PLCD3: variants seen among roughly 807,000 people sequenced by gnomAD.
PLCD3 encodes the protein 1-phosphatidylinositol 4,5-bisphosphate phosphodiesterase delta-3.
Under a neutral mutation model 82.8 loss-of-function variants are expected in PLCD3, and 62 were observed. The observed-to-expected ratio is 0.75, with a 90% CI of 0.61 to 0.93. PLCD3 has a LOEUF of 0.93. Ranked by LOEUF, PLCD3 falls within the 40% of genes least tolerant of loss-of-function variation. The pLI, the probability that PLCD3 is intolerant of heterozygous loss-of-function variation, is 0.00. For synonymous variants in PLCD3, 478 were observed against 471.8 expected (o/e 1.01, Z -0.17); for missense variants, 1,023 against 1,103.4 (o/e 0.93, Z 1.03).
chr17:45,122,482 G>C (rs2054349199), intron 1 of PLCD3, among the ~76,000 whole-genome samples: 2 of 152,142 alleles, frequency 1.3e-5, no homozygotes, highest in Admixed American at 1.3e-4. Flanking sequence ...CTGGAGGTCG[G>C]GGTCCAGCGC....
chr17:45,120,755 T>G lies in PLCD3; in HGVS notation c.554+147A>C. The G allele has an allele frequency of 2.8e-6, 3 of 1,080,192 alleles. No individual in the cohort carries two copies. The South Asian group carries it at 5.4e-5, about 19-fold the overall frequency. 66.9% of individuals were successfully genotyped at this position (1,080,192 alleles called of 1,614,324 possible). On this transcript the variant is annotated intron_variant, in intron 3 of 14. Coordinates refer to ENST00000619929, the MANE Select transcript of PLCD3 (RefSeq NM_133373.5). Reference sequence around the variant, plus strand: ...CAGGGCGCGTGTCCCCACCCTCAGTTTCGAAGACCAAGGGCTCCGACCCAG... The same window carrying G: ...CAGGGCGCGTGTCCCCACCCTCAGTGTCGAAGACCAAGGGCTCCGACCCAG...
chr17:45,115,571 C>A, intron 8 of PLCD3, 81 bp from the exon 9 acceptor site: 4 of 1,301,362 alleles, frequency 3.1e-6, no homozygotes, highest in Non-Finnish European at 4.3e-6. Flanking sequence ...TCAACCACCG[C>A]CTTGTGAGGG....
In PLCD3 at chr17:45,118,371, GT is replaced by G. The variant is rs776380539; in HGVS notation, c.1034del (p.His345ProfsTer12). ...VFQDMNQPLA[H>X]YFISSSHNTY... ...TGTTGTGGGAGGAAGAGATGAAGTAGTGGGCAAGGGGCTGGTTCATGTCCTG... is the reference window on the plus strand; with the variant it reads ...TGTTGTGGGAGGAAGAGATGAAGTAGGGGCAAGGGGCTGGTTCATGTCCTG... On this transcript the variant is annotated frameshift_variant, in exon 6 of 15. Transcript: ENST00000619929. LOFTEE classifies it high-confidence loss of function. The surrounding 1 kb of genome is among the most constrained non-coding windows in gnomAD (Gnocchi z 4.1). 6.2e-7 allele frequency: 1 copy of G among 1,614,048 alleles called. No homozygotes were observed. The highest frequency in any genetic ancestry group is 1.7e-5 in the Admixed American group (1 of 60,032).
In PLCD3 at chr17:45,114,310, G is replaced by A; in HGVS notation, c.1768C>T (p.Leu590=). The change falls in exon 11 of 15, where the codon CTG becomes TTG. Residue 590 remains leucine (L), a synonymous_variant. Coordinates refer to ENST00000619929, the MANE Select transcript of PLCD3 (RefSeq NM_133373.5). ...RQLTRVYPLG[L]RMNSANYSPQ... is the part of the protein sequence containing the mutation. ...CTGTAGTTGGCTGAGTTCATCCGCA[G>A]CCCCAGCGGGTACACGCGGGTCAGC... 6.5e-7 allele frequency: 1 copy of A among 1,549,496 alleles called. No homozygotes were observed. Among genetic ancestry groups the A allele is most frequent in the Admixed American group, 2.0e-5 (1 of 50,516 alleles).
Position 45,111,384 on chromosome 17 carries a change from G to A in PLCD3, c.*1232C>T, listed in dbSNP as rs2143540508. 6.6e-6 allele frequency: 1 copy of A among 152,564 alleles called. No homozygotes were observed. Among genetic ancestry groups the A allele is most frequent in the South Asian group, 2.1e-4 (1 of 4,830 alleles). The allele number at this position is 152,564 out of a possible 1,614,324, so 9.5% of individuals were successfully genotyped here. ...TCTGTGTATGTGTGAGTGTGTGTGT[G>A]TGTGTGTGTGTGTGTGTGTTGTGGG... On this transcript the variant is annotated 3_prime_UTR_variant, in exon 15 of 15. Transcript: ENST00000619929.
Position 45,118,866 on chromosome 17 carries a change from T to G in PLCD3, c.862A>C (p.Thr288Pro). 1 of 1,612,040 alleles carries G rather than the reference T, an allele frequency of 6.2e-7. No individual in the cohort carries two copies. Among genetic ancestry groups the G allele is most frequent in the East Asian group, 2.2e-5 (1 of 44,878 alleles). Reference protein sequence around the residue: ...FLEDQGEEGATLARAQQLIQT... With the variant: ...FLEDQGEEGAPLARAQQLIQT... ...ATGAGCTGCTGGGCGCGGGCCAGTGTGGCGCCCTCCTCGCCCTGGTCCTCC... is the reference window on the plus strand; with the variant it reads ...ATGAGCTGCTGGGCGCGGGCCAGTGGGGCGCCCTCCTCGCCCTGGTCCTCC... The change falls in exon 5 of 15, where the codon ACA becomes CCA. Residue 288 changes from threonine (T) to proline (P), a missense_variant. Around this residue, in one of 3 missense-constraint regions of PLCD3, gnomAD observed 448 missense variants for 406.3 expected, o/e 1.10. Transcript: ENST00000619929. This position sits in a 1 kb window ranked among gnomAD's most constrained non-coding sequence, Gnocchi z 4.1.
chr17:45,112,524 G>T lies in PLCD3; in HGVS notation c.*92C>A. 1 of 1,359,168 alleles carries T rather than the reference G, an allele frequency of 7.4e-7. No homozygotes were observed. The highest frequency in any genetic ancestry group is 1.0e-6 in the Non-Finnish European group (1 of 978,266). 84.2% of individuals were successfully genotyped at this position (1,359,168 alleles called of 1,614,324 possible). ...GCCAAGTGGGTGGGCTGGGGGGCTG[G>T]TACTCCCACCACCTGACTCCAGAGG... On this transcript the variant is annotated 3_prime_UTR_variant, in exon 15 of 15. Coordinates refer to ENST00000619929, the MANE Select transcript of PLCD3 (RefSeq NM_133373.5).
At chr17:45,119,217 T>G in intron 4 of PLCD3, 174 bp from the exon 5 acceptor site, 1 of 615,076 alleles carries the variant, frequency 1.6e-6, no homozygotes, top group African/African-American at 1.8e-5. Context: ...CAGGGCAGGA[T>G]TTTTTGGTTT....
At chr17:45,125,140 A>G (rs1378769011) in intron 1 of PLCD3, among the ~76,000 whole-genome samples, 4 of 151,572 alleles carry the variant, frequency 2.6e-5, no homozygotes, top group African/African-American at 9.7e-5. Flanking sequence ...CAGCCTGACC[A>G]ACATGGTGAA....
At position 45,116,743 on chromosome 17, in the gene PLCD3, G is replaced by A. The variant is rs369060547; in HGVS notation, c.1302C>T (p.Cys434=). The A allele has an allele frequency of 9.4e-5, 151 of 1,609,102 alleles. 1 individual carries two copies. The Middle Eastern group carries it at 1.8e-3, about 19-fold the overall frequency. ...YPVILSLENH[C]GLEQQAAMAR... ...CCATGGCAGCCTGCTGCTCCAGCCCGCAGTGGTTCTCCAGGGATAGGATGA... is the reference window on the plus strand; with the variant it reads ...CCATGGCAGCCTGCTGCTCCAGCCCACAGTGGTTCTCCAGGGATAGGATGA... The change falls in exon 8 of 15, where the codon TGC becomes TGT. Residue 434 remains cysteine, a synonymous_variant. Coordinates refer to ENST00000619929, the MANE Select transcript of PLCD3 (RefSeq NM_133373.5).
chr17:45,123,010 A>C, intron 1 of PLCD3, among the ~76,000 whole-genome samples: 1 of 152,330 alleles, frequency 6.6e-6, no homozygotes, highest in African/African-American at 2.4e-5. Flanking sequence ...ATTGAAAAAA[A>C]ATAAAAATCA....
At chr17:45,122,425 TTAAG>T (rs765501721) in intron 1 of PLCD3, among the ~76,000 whole-genome samples, 33 of 152,274 alleles carry the variant, frequency 2.2e-4, no homozygotes, top group South Asian at 4.1e-4. Context: ...TCAGGGAAGC[TTAAG>T]TAAGTTGTCA....
chr17:45,132,354 G>C lies in PLCD3; in HGVS notation c.57C>G (p.Ala19=). The C allele has an allele frequency of 2.4e-6, 3 of 1,231,130 alleles. No homozygotes were observed. The highest frequency in any genetic ancestry group is 3.0e-6 in the Non-Finnish European group (3 of 987,140). 76.3% of individuals were successfully genotyped at this position (1,231,130 alleles called of 1,614,324 possible). A position where few individuals can be genotyped will look rare whatever the true frequency, so the allele number is the denominator to read the frequency against. The change falls in exon 1 of 15, where the codon GCC becomes GCG. Residue 19 remains alanine, a synonymous_variant. Coordinates refer to ENST00000619929, the MANE Select transcript of PLCD3 (RefSeq NM_133373.5). The surrounding 1 kb of genome is among the most constrained non-coding windows in gnomAD (Gnocchi z 4.6). The part of the protein sequence containing the change: ...CRRPPEEPPV[A]AQVAAQVAAP... Reference sequence around the variant, plus strand: ...CCGCGACTTGGGCTGCGACCTGGGCGGCCACCGGGGGCTCCTCGGGCGGGC... The same window carrying C: ...CCGCGACTTGGGCTGCGACCTGGGCCGCCACCGGGGGCTCCTCGGGCGGGC...
rs1451493322 is a variant in PLCD3 at position 45,114,294 on chromosome 17, G to GC, written c.1783dup (p.Ala595GlyfsTer53). 6.5e-7 allele frequency: 1 copy of GC among 1,548,492 alleles called. No individual in the cohort carries two copies. The highest frequency in any genetic ancestry group is 1.4e-5 in the African/African-American group (1 of 72,886). ...CCACATCTCCTGGGGACTGTAGTTGGCTGAGTTCATCCGCAGCCCCAGCGG... is the reference window on the plus strand; with the variant it reads ...CCACATCTCCTGGGGACTGTAGTTGGCCTGAGTTCATCCGCAGCCCCAGCGG... On this transcript the variant is annotated frameshift_variant, in exon 11 of 15. Transcript: ENST00000619929. LOFTEE classifies it high-confidence loss of function.
chr17:45,129,091 A>G (rs2054401862), intron 1 of PLCD3: 1 of 152,246 alleles, frequency 6.6e-6, no homozygotes, highest in Non-Finnish European at 1.5e-5. Context: ...CCTACCTCAT[A>G]TTAGTGTGAG....
At chr17:45,126,347 ATTTTTTTTTTTT>A (rs398030937) in intron 1 of PLCD3, among the ~76,000 whole-genome samples, 1 of 79,096 alleles carries the variant, frequency 1.3e-5, no homozygotes, top group African/African-American at 6.0e-5. Flanking sequence ...CGCCCAGCCT[ATTTTTTTTTTTT>A]TTTTTTTTTT....
intron 3 of PLCD3, 118 bp downstream of exon 3, chr17:45,120,784 G>A (rs1352471999): frequency 4.3e-6 from 5 of 1,154,408 alleles, no homozygotes; most frequent in African/African-American, 4.3e-5. Context: ...GACCCAGACC[G>A]TGCGCCCTCA....
rs1598030462 is a variant in PLCD3, at chr17:45,118,240, T to C, written c.1115+51A>G. On this transcript the variant is annotated intron_variant, in intron 6 of 14. Coordinates refer to ENST00000619929, the MANE Select transcript of PLCD3 (RefSeq NM_133373.5). The surrounding 1 kb of genome is among the most constrained non-coding windows in gnomAD (Gnocchi z 4.1). ...AGGAAGGCCCCAGGAAGCCAGCCCA[T>C]GTCTCTCCCCAGGTGGGGCTCCCGG... is the stretch of plus-strand genomic sequence containing the variant. The C allele has an allele frequency of 1.9e-6, 3 of 1,612,276 alleles. No homozygotes were observed. Among genetic ancestry groups the C allele is most frequent in the Middle Eastern group, 1.7e-4 (1 of 6,044 alleles).
intron 8 of PLCD3, 66 bp from the exon 9 acceptor site, chr17:45,115,556 G>A: frequency 6.9e-7 from 1 of 1,441,106 alleles, no homozygotes; most frequent in Admixed American, 2.0e-5. Context: ...CAGTCAGTCA[G>A]TTATTCAACC....
Sources: allele counts gnomAD v4.1 joint callset (sites outside exome capture counted in the v4.1 genomes callset), GRCh38; gene constraint gnomAD v4.1.1; regional missense constraint gnomAD v4.1.1; non-coding constraint Gnocchi (gnomAD v3.1); transcripts MANE v1.5; gene names NCBI Gene and HGNC (gene_info 2026-07-23, HGNC 2026-07-21).